ADAMTS16: variants seen among roughly 807,000 people sequenced by gnomAD.
ADAMTS16 encodes the protein ADAM metallopeptidase with thrombospondin type 1 motif 16, also known as A disintegrin and metalloproteinase with thrombospondin motifs 16.
ADAMTS16 carries 94 observed loss-of-function variants against 145.8 expected under a neutral mutation model. The observed-to-expected ratio is 0.64, with a 90% CI of 0.55 to 0.77. The LOEUF (loss-of-function observed/expected upper bound fraction) is 0.77, where lower values mean the gene tolerates loss of function less well. Ranked by LOEUF, ADAMTS16 falls within the 30% of genes least tolerant of loss-of-function variation. ADAMTS16 has a pLI of 0.00. For missense variants in ADAMTS16, 1,585 were observed against 1,591.5 expected, an observed-to-expected ratio of 1.00 and a Z score of 0.07; for synonymous variants, 659 against 604.3, an observed-to-expected ratio of 1.09 and a Z score of -1.33.
At chr5:5,261,613 A>AG in intron 17 of ADAMTS16, among the ~76,000 whole-genome samples, 1 of 150,640 alleles carries the variant, frequency 6.6e-6, no homozygotes, top group East Asian at 2.0e-4. Context: ...CAGCCTCCTG[A>AG]TAGCTGGGAA....
At chr5:5,223,542 G>A (rs1736666082) in intron 11 of ADAMTS16, 1 of 152,150 alleles carries the variant, frequency 6.6e-6, no homozygotes, top group Admixed American at 6.5e-5. Context: ...TATTGTGCTT[G>A]CTGCATGGGT....
intron 18 of ADAMTS16, among the ~76,000 whole-genome samples, chr5:5,299,327 C>T (rs1367713560): frequency 2.0e-5 from 3 of 152,220 alleles, no homozygotes; most frequent in Non-Finnish European, 4.4e-5. Flanking sequence ...AGCATGGCTG[C>T]CCTGGCGGGG....
Position 5,319,045 on chromosome 5 carries a change from C to G in ADAMTS16, c.3582C>G (p.Phe1194Leu), listed in dbSNP as rs759473443. 1.9e-6 allele frequency: 3 copies of G among 1,613,042 alleles called. No homozygotes were observed. The South Asian group carries it at 3.3e-5, about 18-fold the overall frequency. The stretch of plus-strand genomic sequence containing the variant: ...CAGATGCCTTCTGCAAAGACTACTT[C>G]CACTGGTGCTACCTGGTACCCCAGC... Reference protein sequence around the residue: ...EKKDAFCKDYFHWCYLVPQHG... With the variant: ...EKKDAFCKDYLHWCYLVPQHG... Residue 1194 changes from phenylalanine to leucine, a missense_variant, in exon 23 of 23, where the codon TTC becomes TTG. By Grantham distance (22) the Phe-to-Leu change is conservative. Transcript: ENST00000274181.
At chr5:5,250,870 C>T (rs746277548) in intron 17 of ADAMTS16, among the ~76,000 whole-genome samples, 3 of 152,162 alleles carry the variant, frequency 2.0e-5, no homozygotes, top group Non-Finnish European at 4.4e-5. Context: ...TGTCAGCTGC[C>T]TGGTAGTCCC....
At chr5:5,257,559 A>T (rs1215848729) in intron 17 of ADAMTS16, among the ~76,000 whole-genome samples, 1 of 152,242 alleles carries the variant, frequency 6.6e-6, no homozygotes, top group Non-Finnish European at 1.5e-5. Context: ...AACAACTGGG[A>T]TGCTTTGAGA....
At chr5:5,162,221 TA>T (rs1302522804) in intron 3 of ADAMTS16, among the ~76,000 whole-genome samples, 4 of 152,206 alleles carry the variant, frequency 2.6e-5, no homozygotes, top group Non-Finnish European at 4.4e-5. Flanking sequence ...GCCAGGCATT[TA>T]AAAAATTATT....
chr5:5,311,385 A>G (rs1740431160), intron 21 of ADAMTS16, among the ~76,000 whole-genome samples: 1 of 151,944 alleles, frequency 6.6e-6, no homozygotes, highest in African/African-American at 2.4e-5. Flanking sequence ...TATTTATCTG[A>G]ACCAATTTAA....
intron 17 of ADAMTS16, among the ~76,000 whole-genome samples, chr5:5,245,460 A>G (rs1433604500): frequency 6.6e-6 from 1 of 152,236 alleles, no homozygotes; most frequent in Non-Finnish European, 1.5e-5. Flanking sequence ...CCAAAGGAAA[A>G]GGGAAAGTAT....
At chr5:5,193,138 A>AGTGT (rs146798284) in intron 8 of ADAMTS16, among the ~76,000 whole-genome samples, 1,678 of 150,672 alleles carry the variant, frequency 0.011, 15 homozygotes, top group African/African-American at 0.032. Context: ...TGTTCAAAGC[A>AGTGT]GTGTGTGTGT....
At chr5:5,236,645 G>A (rs1737116339) in intron 13 of ADAMTS16, among the ~76,000 whole-genome samples, 1 of 151,692 alleles carries the variant, frequency 6.6e-6, no homozygotes, top group African/African-American at 2.4e-5. Flanking sequence ...CAAGATAGTA[G>A]TTAATGATAC....
chr5:5,261,776 T>C (rs1423567345), intron 17 of ADAMTS16, among the ~76,000 whole-genome samples: 3 of 152,212 alleles, frequency 2.0e-5, no homozygotes, highest in Non-Finnish European at 4.4e-5. Context: ...GCAAAATATA[T>C]GTGAAATTTG....
At chr5:5,212,604 A>G (rs1409878424) in intron 10 of ADAMTS16, among the ~76,000 whole-genome samples, 2 of 152,152 alleles carry the variant, frequency 1.3e-5, no homozygotes, top group Non-Finnish European at 2.9e-5. Flanking sequence ...ATATAGCCAC[A>G]TCAGCTCACT....
intron 18 of ADAMTS16, among the ~76,000 whole-genome samples, chr5:5,301,453 T>C (rs1015395334): frequency 2.0e-5 from 3 of 152,232 alleles, no homozygotes; most frequent in Non-Finnish European, 2.9e-5. Context: ...GTTAAAAATA[T>C]GTTTACACAC....
chr5:5,141,058 C>A (rs1397803293), intron 2 of ADAMTS16, among the ~76,000 whole-genome samples: 2 of 152,138 alleles, frequency 1.3e-5, no homozygotes, highest in East Asian at 3.9e-4. Context: ...TAGGAAGAAT[C>A]TAAAGCTATT....
At chr5:5,144,349 G>A (rs973995710) in intron 2 of ADAMTS16, among the ~76,000 whole-genome samples, 10 of 152,038 alleles carry the variant, frequency 6.6e-5, no homozygotes, top group Non-Finnish European at 1.3e-4. Context: ...AGCTTACAAC[G>A]TACTTTGAAA....
chr5:5,265,985 AGTGTGTGTGTGTGTGTGT>A (rs71604122), intron 18 of ADAMTS16, among the ~76,000 whole-genome samples: 16 of 141,470 alleles, frequency 1.1e-4, no homozygotes, highest in East Asian at 2.1e-4. Flanking sequence ...GACTTAAAGA[AGTGTGTGTGTGTGTGTGT>A]GTGTGTGTGT....
At chr5:5,231,761 G>A (rs1224864955) in intron 11 of ADAMTS16, among the ~76,000 whole-genome samples, 2 of 152,206 alleles carry the variant, frequency 1.3e-5, no homozygotes, top group Non-Finnish European at 2.9e-5. Context: ...TGGAGAAAGG[G>A]GAAGAGATAG....
chr5:5,268,694 TG>T (rs2126446296), intron 18 of ADAMTS16, among the ~76,000 whole-genome samples: 1 of 152,326 alleles, frequency 6.6e-6, no homozygotes. Context: ...ACACTATTTC[TG>T]TCCTCCCAGG....
intron 18 of ADAMTS16, among the ~76,000 whole-genome samples, chr5:5,267,741 C>CA (rs998871129): frequency 6.6e-6 from 1 of 152,166 alleles, no homozygotes; most frequent in African/African-American, 2.4e-5. Context: ...GGTGGTCTTG[C>CA]AAAATGCAAC....
Sources: gnomAD v4.1 joint callset for allele counts (sites outside exome capture counted in the v4.1 genomes callset) on GRCh38, gnomAD v4.1.1 for gene constraint, MANE v1.5 for transcripts, NCBI Gene and HGNC (gene_info 2026-07-23, HGNC 2026-07-21) for gene names.